EXOC6B: variants seen among roughly 807,000 people sequenced by gnomAD.
EXOC6B encodes exocyst complex component 6B, also known as SEC15 homolog B.
In EXOC6B, 54 loss-of-function variants were observed where a neutral mutation model predicts 113.5. The observed-to-expected ratio is 0.48, with a 90% CI of 0.38 to 0.60. The LOEUF is 0.60. Ranked by LOEUF, EXOC6B falls within the 20% of genes least tolerant of loss-of-function variation. EXOC6B has a pLI of 0.00. For synonymous variants in EXOC6B, 357 were observed against 339.0 expected (o/e 1.05, Z -0.58); for missense variants, 797 against 977.5 (o/e 0.82, Z 2.46).
chr2:72,394,908 C>T (rs1320062615), intron 18 of EXOC6B, among the ~76,000 whole-genome samples: 1 of 152,076 alleles, frequency 6.6e-6, no homozygotes, highest in Non-Finnish European at 1.5e-5. Flanking sequence ...ACTGTAATTT[C>T]ACTTAAAGTG....
intron 6 of EXOC6B, among the ~76,000 whole-genome samples, chr2:72,612,847 C>T (rs1246977406): frequency 6.6e-6 from 1 of 152,204 alleles, no homozygotes; most frequent in Non-Finnish European, 1.5e-5. Flanking sequence ...CTTGTAAGCA[C>T]ATGTATGCAT....
intron 20 of EXOC6B, among the ~76,000 whole-genome samples, chr2:72,215,896 T>C (rs1573013964): frequency 6.6e-6 from 1 of 152,032 alleles, no homozygotes; most frequent in Admixed American, 6.5e-5. Context: ...GCAAAAGCTG[T>C]AGGCTGCTGA....
chr2:72,425,392 A>T (rs1436012076), intron 18 of EXOC6B, among the ~76,000 whole-genome samples: 1 of 152,210 alleles, frequency 6.6e-6, no homozygotes, highest in East Asian at 1.9e-4. Context: ...GGTGCCAGTT[A>T]CAACTACATG....
intron 20 of EXOC6B, among the ~76,000 whole-genome samples, chr2:72,284,816 C>G (rs750262403): frequency 6.6e-6 from 1 of 151,948 alleles, no homozygotes; most frequent in Non-Finnish European, 1.5e-5. Flanking sequence ...AAATTATTCA[C>G]TTACCTATAT....
intron 6 of EXOC6B, among the ~76,000 whole-genome samples, chr2:72,699,963 C>T (rs1368310747): frequency 6.6e-6 from 1 of 152,120 alleles, no homozygotes; most frequent in African/African-American, 2.4e-5. Flanking sequence ...TGTGGATGCT[C>T]AAGTCCCTTA....
intron 1 of EXOC6B, among the ~76,000 whole-genome samples, chr2:72,784,329 C>CT (rs1489658541): frequency 6.6e-6 from 1 of 152,110 alleles, no homozygotes; most frequent in African/African-American, 2.4e-5. Context: ...TATTCAGGTT[C>CT]TTTTTTGGTT....
intron 6 of EXOC6B, among the ~76,000 whole-genome samples, chr2:72,581,320 A>C (rs184250323): frequency 7.2e-4 from 109 of 152,308 alleles, no homozygotes; most frequent in Admixed American, 1.8e-3. Context: ...GAACAAACAA[A>C]ATGAAAACAA....
rs1553396399 is a variant in EXOC6B at position 72,397,625 on chromosome 2, AAAAATAAAAT to A, written c.1981-17765_1981-17756del. On this transcript the variant is annotated intron_variant, in intron 18 of 21. Transcript: ENST00000272427. ...CAGGTGAAACCTCATCTCAAAAAAA[AAAAATAAAAT>A]AAAATAAAATAAAATAAAATAAAAT... 3.1e-3 allele frequency among the ~76,000 whole-genome samples: 324 copies of A among 104,172 alleles called. 3 individuals are homozygous for A. The highest frequency in any genetic ancestry group is 3.2e-3 in the Non-Finnish European group (181 of 56,122). The allele number at this position is 104,172 out of a possible 152,430, so 68.3% of individuals were successfully genotyped here.
intron 6 of EXOC6B, among the ~76,000 whole-genome samples, chr2:72,663,617 T>C (rs1229434658): frequency 1.3e-5 from 2 of 152,124 alleles, no homozygotes; most frequent in Non-Finnish European, 2.9e-5. Context: ...TTAAAGCTGT[T>C]TGATTCCAAA....
intron 19 of EXOC6B, among the ~76,000 whole-genome samples, chr2:72,352,382 C>T (rs778133669): frequency 5.3e-5 from 8 of 152,096 alleles, no homozygotes; most frequent in African/African-American, 1.9e-4. Flanking sequence ...GCTTTTGGAA[C>T]GTCAGGTTTT....
At chr2:72,383,863 T>C (rs915642006) in intron 18 of EXOC6B, among the ~76,000 whole-genome samples, 1 of 152,112 alleles carries the variant, frequency 6.6e-6, no homozygotes, top group Non-Finnish European at 1.5e-5. Context: ...TGGAAGGCAC[T>C]GGAGACCTTT....
At chr2:72,224,286 G>A (rs1298120845) in intron 20 of EXOC6B, among the ~76,000 whole-genome samples, 1 of 152,064 alleles carries the variant, frequency 6.6e-6, no homozygotes, top group Admixed American at 6.5e-5. Flanking sequence ...CAAATAGCAC[G>A]ATGACAAATC....
intron 6 of EXOC6B, among the ~76,000 whole-genome samples, chr2:72,647,565 C>A (rs1156264982): frequency 6.6e-6 from 1 of 152,172 alleles, no homozygotes; most frequent in Non-Finnish European, 1.5e-5. Flanking sequence ...CAGCATGGTA[C>A]TAGTACCAAA....
intron 5 of EXOC6B, among the ~76,000 whole-genome samples, chr2:72,725,345 G>C (rs1444691658): frequency 6.6e-6 from 1 of 151,850 alleles, no homozygotes; most frequent in Non-Finnish European, 1.5e-5. Context: ...GGTAAACAAT[G>C]AGATACTATT....
chr2:72,532,447 T>C (rs972919379), intron 8 of EXOC6B, among the ~76,000 whole-genome samples: 13 of 152,282 alleles, frequency 8.5e-5, no homozygotes, highest in Non-Finnish European at 1.5e-4. Context: ...ATCAGAAAAC[T>C]TTAAATGAAT....
At chr2:72,639,984 C>T (rs1465477444) in intron 6 of EXOC6B, among the ~76,000 whole-genome samples, 1 of 152,168 alleles carries the variant, frequency 6.6e-6, no homozygotes, top group Admixed American at 6.5e-5. Flanking sequence ...ACAATGGCAC[C>T]ACCTCTCAAG....
intron 6 of EXOC6B, among the ~76,000 whole-genome samples, chr2:72,618,682 T>C (rs2104160658): frequency 6.6e-6 from 1 of 152,298 alleles, no homozygotes; most frequent in East Asian, 1.9e-4. Flanking sequence ...CAAGGAAATA[T>C]TAACATGAAT....
Position 72,484,491 on chromosome 2 carries a change from CAG to C in EXOC6B, c.1666-3743_1666-3742del, listed in dbSNP as rs1212451387. On this transcript the variant is annotated intron_variant, in intron 16 of 21. Coordinates refer to ENST00000272427, the MANE Select transcript of EXOC6B (RefSeq NM_015189.3). ...CTGAGGCAGGAGAATGTCGTGAACC[CAG>C]GAGGCGGAGCTTGCAGTGAGCCGAG... 2.0e-5 allele frequency among the ~76,000 whole-genome samples: 3 copies of C among 148,856 alleles called. No homozygotes were observed. The East Asian group carries it at 5.9e-4, about 29-fold the overall frequency.
intron 6 of EXOC6B, among the ~76,000 whole-genome samples, chr2:72,662,278 G>A (rs1021295926): frequency 2.0e-5 from 3 of 152,084 alleles, no homozygotes; most frequent in Non-Finnish European, 2.9e-5. Flanking sequence ...AAGACAAAAA[G>A]TTCTTAGACA....
Sources: gnomAD v4.1 joint callset for allele counts (sites outside exome capture counted in the v4.1 genomes callset) on GRCh38, gnomAD v4.1.1 for gene constraint, MANE v1.5 for transcripts, NCBI Gene and HGNC (gene_info 2026-07-23, HGNC 2026-07-21) for gene names.